SPECC1L: variants seen among roughly 807,000 people sequenced by gnomAD.
SPECC1L encodes the protein cytospin-A.
SPECC1L carries 40 observed loss-of-function variants against 116.8 expected under a neutral mutation model. The ratio of observed to expected loss-of-function variants is 0.34; its 90% CI spans 0.27 to 0.45. The LOEUF (loss-of-function observed/expected upper bound fraction) is 0.45, where lower values mean the gene tolerates loss of function less well. Ranked by LOEUF, SPECC1L falls within the 20% of genes least tolerant of loss-of-function variation. The pLI, the probability that SPECC1L is intolerant of heterozygous loss-of-function variation, is 1.00. For synonymous variants in SPECC1L, 504 were observed against 500.6 expected (o/e 1.01, Z -0.09); for missense variants, 1,110 against 1,373.6 (o/e 0.81, Z 3.03).
At chr22:24,364,930 A>G (rs574727094) in intron 12 of SPECC1L, among the ~76,000 whole-genome samples, 1 of 152,268 alleles carries the variant, frequency 6.6e-6, no homozygotes, top group African/African-American at 2.4e-5. Context: ...AGAGATGGAT[A>G]AGGCACACTC....
chr22:24,303,019 A>G lies in SPECC1L; in HGVS notation c.153+635A>G, dbSNP rs192272025. 2.6e-3 allele frequency among the ~76,000 whole-genome samples: 381 copies of G among 147,486 alleles called. 1 individual carries two copies. Among genetic ancestry groups the G allele is most frequent in the Non-Finnish European group, 4.4e-3 (297 of 67,958 alleles). On this transcript the variant is annotated intron_variant, in intron 3 of 16. Coordinates refer to ENST00000314328, the MANE Select transcript of SPECC1L (RefSeq NM_015330.6). ...TTACTATTACCATTTTTTTTTAAAT[A>G]GATGAGATCTATGTTGCCCAGGCTG...
At chr22:24,366,542 T>C (rs569114388) in intron 13 of SPECC1L, among the ~76,000 whole-genome samples, 2 of 152,200 alleles carry the variant, frequency 1.3e-5, no homozygotes, top group East Asian at 3.9e-4. Context: ...GTAGAAGCTA[T>C]AAAGTGATGT....
intron 4 of SPECC1L, among the ~76,000 whole-genome samples, chr22:24,315,985 T>G (rs750572904): frequency 1.1e-4 from 17 of 152,194 alleles, no homozygotes; most frequent in Admixed American, 6.5e-5. Context: ...TAATTACCTC[T>G]TTAACTTCAT....
At chr22:24,410,911 A>G (rs980224227) in intron 14 of SPECC1L, among the ~76,000 whole-genome samples, 8 of 152,190 alleles carry the variant, frequency 5.3e-5, no homozygotes, top group African/African-American at 1.4e-4. Flanking sequence ...ATTACCGGCC[A>G]GGTGCGGTGG....
In SPECC1L at chr22:24,313,369, T is replaced by A; in HGVS notation, c.210T>A (p.Asn70Lys). 6.2e-7 allele frequency: 1 copy of A among 1,614,200 alleles called. No individual in the cohort carries two copies. The highest frequency in any genetic ancestry group is 1.6e-4 in the Middle Eastern group (1 of 6,062). Residue 70 changes from asparagine to lysine, a missense_variant, in exon 4 of 17, where the codon AAT (asparagine) becomes AAA (lysine). Asn to Lys is a moderately conservative substitution (Grantham distance 94). This residue lies in a region of SPECC1L where 437 missense variants were observed against 482.6 expected (regional missense o/e 0.91). Coordinates refer to ENST00000314328, the MANE Select transcript of SPECC1L (RefSeq NM_015330.6). ...TGGCCGGAGGGGTAACGGTGACTAA[T>A]GGTGTTAAAGGAAAGAAAAGCACCT... ...AGMAGGVTVT[N>K]GVKGKKSTCP...
intron 14 of SPECC1L, among the ~76,000 whole-genome samples, chr22:24,397,099 G>T (rs745910894): frequency 4.6e-5 from 7 of 152,266 alleles, no homozygotes; most frequent in Middle Eastern, 3.4e-3. Flanking sequence ...ATTGAGCACT[G>T]AGTTGAGGGC....
At chr22:24,289,999 T>C (rs2049126997) in intron 2 of SPECC1L, among the ~76,000 whole-genome samples, 2 of 152,350 alleles carry the variant, frequency 1.3e-5, no homozygotes, top group African/African-American at 4.8e-5. Flanking sequence ...TTTATCCTTT[T>C]CTTTCCTACT....
At chr22:24,371,706 C>CATTGATTG (rs534337556) in intron 14 of SPECC1L, among the ~76,000 whole-genome samples, 1 of 152,082 alleles carries the variant, frequency 6.6e-6, no homozygotes, top group South Asian at 2.1e-4. Context: ...AGGGGATTGA[C>CATTGATTG]ATTGATTGAT....
intron 14 of SPECC1L, among the ~76,000 whole-genome samples, chr22:24,382,792 A>G (rs1346755250): frequency 6.6e-6 from 1 of 151,316 alleles, no homozygotes; most frequent in African/African-American, 2.4e-5. Flanking sequence ...AGGCTGAGGC[A>G]GGAGGATTGC....
Position 24,318,984 on chromosome 22 carries a change from G to A in SPECC1L, c.308-2304G>A, listed in dbSNP as rs1215396243. Among the ~76,000 whole-genome samples, 4 of 151,774 alleles carry A rather than the reference G, an allele frequency of 2.6e-5. No homozygotes were observed. The South Asian group carries it at 8.3e-4, about 32-fold the overall frequency. On this transcript the variant is annotated intron_variant, in intron 4 of 16. Coordinates refer to ENST00000314328, the MANE Select transcript of SPECC1L (RefSeq NM_015330.6). ...CCTCCGTATACAGTTGTTTATCCCA[G>A]TCTGGTTACTCTTGCCTTTGATATC...
chr22:24,369,342 C>T (rs1322382197), intron 14 of SPECC1L, 22 bp downstream of exon 14: 10 of 1,573,510 alleles, frequency 6.4e-6, no homozygotes, highest in Admixed American at 1.7e-5. Flanking sequence ...ATTCTTTTGT[C>T]CCATGTGAGT....
intron 12 of SPECC1L, among the ~76,000 whole-genome samples, chr22:24,364,026 A>C (rs145060794): frequency 6.6e-6 from 1 of 152,266 alleles, no homozygotes; most frequent in Non-Finnish European, 1.5e-5. Flanking sequence ...GGAATGATAG[A>C]GTTAATGGCG....
intron 11 of SPECC1L, among the ~76,000 whole-genome samples, chr22:24,361,521 A>C (rs988251896): frequency 1.1e-4 from 16 of 152,300 alleles, no homozygotes; most frequent in African/African-American, 3.4e-4. Context: ...GTGTGGTGGC[A>C]GGCACCTGTA....
intron 2 of SPECC1L, among the ~76,000 whole-genome samples, chr22:24,287,839 T>C (rs559559028): frequency 7.9e-5 from 12 of 152,270 alleles, no homozygotes; most frequent in Admixed American, 5.9e-4. Flanking sequence ...GTTTCTTTCC[T>C]TCTTGCCGGT....
chr22:24,335,413 C>T (rs906568890), intron 9 of SPECC1L, among the ~76,000 whole-genome samples: 16 of 152,240 alleles, frequency 1.1e-4, no homozygotes, highest in African/African-American at 3.4e-4. Flanking sequence ...TAGTCCTACA[C>T]AGCACTTCAG....
chr22:24,336,736 A>G (rs1480372124), intron 9 of SPECC1L, among the ~76,000 whole-genome samples: 3 of 152,214 alleles, frequency 2.0e-5, no homozygotes, highest in African/African-American at 7.2e-5. Flanking sequence ...ATGTTATTTT[A>G]TAATAAAATA....
intron 10 of SPECC1L, 89 bp from the exon 11 acceptor site, chr22:24,346,997 T>A (rs1276556496): frequency 1.9e-6 from 2 of 1,034,404 alleles, no homozygotes; most frequent in Non-Finnish European, 3.0e-6. Context: ...TAATACGGAT[T>A]TATAACTAAA....
chr22:24,357,780 G>A (rs1214914793), intron 11 of SPECC1L, among the ~76,000 whole-genome samples: 2 of 152,170 alleles, frequency 1.3e-5, no homozygotes, highest in African/African-American at 4.8e-5. Flanking sequence ...GTTTTCCAGA[G>A]GGCTTTTCTT....
At chr22:24,346,992 C>T (rs1345941659) in intron 10 of SPECC1L, 94 bp from the exon 11 acceptor site, 32 of 986,378 alleles carry the variant, frequency 3.2e-5, no homozygotes, top group East Asian at 3.0e-4. Context: ...AGAATTAATA[C>T]GGATTTATAA....
Sources: allele counts gnomAD v4.1 joint callset (sites outside exome capture counted in the v4.1 genomes callset), GRCh38; gene constraint gnomAD v4.1.1; regional missense constraint gnomAD v4.1.1; transcripts MANE v1.5; gene names NCBI Gene and HGNC (gene_info 2026-07-23, HGNC 2026-07-21).